HS3ST3B1: variants seen among roughly 807,000 people sequenced by gnomAD.
HS3ST3B1 encodes heparan sulfate glucosamine 3-O-sulfotransferase 3B1.
In HS3ST3B1, 13 loss-of-function variants were observed where a neutral mutation model predicts 21.3. The ratio of observed to expected loss-of-function variants is 0.61; its 90% CI spans 0.40 to 0.97. The LOEUF (loss-of-function observed/expected upper bound fraction) is 0.97. Ranked by LOEUF, HS3ST3B1 falls within the 50% of genes least tolerant of loss-of-function variation. HS3ST3B1 has a pLI of 0.00. For missense variants in HS3ST3B1, 459 were observed against 554.8 expected, an observed-to-expected ratio of 0.83 and a Z score of 1.73; for synonymous variants, 234 against 254.8, an observed-to-expected ratio of 0.92 and a Z score of 0.78.
intron 1 of HS3ST3B1, among the ~76,000 whole-genome samples, chr17:14,310,826 T>C (rs1042659820): frequency 2.0e-5 from 3 of 152,128 alleles, no homozygotes; most frequent in Non-Finnish European, 4.4e-5. Context: ...ACTTAGCATA[T>C]GCTAGTGCTG....
At chr17:14,311,490 C>G (rs537653000) in intron 1 of HS3ST3B1, among the ~76,000 whole-genome samples, 162 of 152,340 alleles carry the variant, frequency 1.1e-3, no homozygotes, top group African/African-American at 3.6e-3. Context: ...TATCACCATC[C>G]TCTACCAGAC....
Position 14,301,981 on chromosome 17 carries a change from G to C in HS3ST3B1, c.463G>C (p.Glu155Gln). ...GAAGGGCGGCACGCGGGCGCTGCTG[G>C]AGTTTCTGCGCGTGCACCCCGACGT... ...VKKGGTRALL[E>Q]FLRVHPDVRA... Residue 155 changes from glutamate (E) to glutamine (Q), a missense_variant, in exon 1 of 2, where the codon GAG becomes CAG. This residue lies in a region of HS3ST3B1 where 317 missense variants were observed against 278.6 expected (regional missense o/e 1.14). Transcript: ENST00000360954. The C allele has an allele frequency of 1.2e-6, 2 of 1,609,472 alleles. No individual in the cohort carries two copies. The highest frequency in any genetic ancestry group is 1.7e-6 in the Non-Finnish European group (2 of 1,178,798).
intron 1 of HS3ST3B1, among the ~76,000 whole-genome samples, chr17:14,339,385 G>GA (rs1397722237): frequency 6.6e-6 from 1 of 151,942 alleles, no homozygotes; most frequent in Non-Finnish European, 1.5e-5. Flanking sequence ...ATGAATGAAA[G>GA]AAAAAAATAC....
chr17:14,335,834 G>T (rs1040157309), intron 1 of HS3ST3B1, among the ~76,000 whole-genome samples: 4 of 152,322 alleles, frequency 2.6e-5, no homozygotes, highest in South Asian at 2.1e-4. Context: ...AATCTTCATT[G>T]GAAGAGGCTG....
intron 1 of HS3ST3B1, among the ~76,000 whole-genome samples, chr17:14,314,529 T>C (rs1331513451): frequency 3.0e-4 from 45 of 152,218 alleles, no homozygotes; most frequent in Non-Finnish European, 2.9e-5. Flanking sequence ...TTGTTGAATC[T>C]AATATAAAGG....
rs753051368 is a variant in HS3ST3B1 at position 14,301,713 on chromosome 17, C to G, written c.195C>G (p.Gly65=). The G allele has an allele frequency of 1.3e-5, 21 of 1,603,856 alleles. No homozygotes were observed. Among genetic ancestry groups the G allele is most frequent in the Non-Finnish European group, 1.7e-5 (20 of 1,176,950 alleles). The change falls in exon 1 of 2, where the codon GGC becomes GGG. Residue 65 remains glycine, a synonymous_variant. Transcript: ENST00000360954. ...CAAAPGLLLL[G]SGSRAAHDPP... ...CCGCGCCGGGGCTGCTGCTCCTGGG[C>G]TCTGGGTCCCGCGCCGCACACGACC...
chr17:14,332,105 T>C (rs942664954), intron 1 of HS3ST3B1, among the ~76,000 whole-genome samples: 1 of 152,170 alleles, frequency 6.6e-6, no homozygotes, highest in African/African-American at 2.4e-5. Context: ...GTCTTATCTT[T>C]CAGTAGATGA....
chr17:14,322,900 T>C (rs980309286), intron 1 of HS3ST3B1, among the ~76,000 whole-genome samples: 2 of 14,720 alleles, frequency 1.4e-4, no homozygotes, highest in Non-Finnish European at 5.0e-4. Flanking sequence ...GTCTATGTCT[T>C]TTTTTTTTTT....
At chr17:14,314,594 G>A (rs1245978199) in intron 1 of HS3ST3B1, among the ~76,000 whole-genome samples, 1 of 152,210 alleles carries the variant, frequency 6.6e-6, no homozygotes, top group African/African-American at 2.4e-5. Context: ...TACTGCCTAT[G>A]TTGACAGGTT....
At chr17:14,302,738 G>A (rs959993935) in intron 1 of HS3ST3B1, among the ~76,000 whole-genome samples, 3 of 152,090 alleles carry the variant, frequency 2.0e-5, no homozygotes, top group Non-Finnish European at 4.4e-5. Context: ...GCTGGTCCCT[G>A]TCGGGCAAAG....
intron 1 of HS3ST3B1, among the ~76,000 whole-genome samples, chr17:14,327,081 C>T (rs1909844332): frequency 6.6e-6 from 1 of 151,946 alleles, no homozygotes; most frequent in Non-Finnish European, 1.5e-5. Flanking sequence ...ACGGTAAGTC[C>T]CTGGAGGGCA....
chr17:14,330,076 C>A (rs557089465), intron 1 of HS3ST3B1, among the ~76,000 whole-genome samples: 4 of 152,370 alleles, frequency 2.6e-5, no homozygotes, highest in African/African-American at 9.6e-5. Context: ...TGAGGCCACA[C>A]AGCCTGACCT....
intron 1 of HS3ST3B1, among the ~76,000 whole-genome samples, chr17:14,307,144 A>T (rs1212069142): frequency 1.3e-5 from 2 of 152,214 alleles, no homozygotes; most frequent in African/African-American, 2.4e-5. Context: ...ATTATCTTCC[A>T]AATGATATGT....
chr17:14,311,849 C>G (rs1484437957), intron 1 of HS3ST3B1, among the ~76,000 whole-genome samples: 3 of 152,048 alleles, frequency 2.0e-5, no homozygotes, highest in Admixed American at 6.6e-5. Flanking sequence ...GCCTCCTCTT[C>G]CTTGAAGCAC....
chr17:14,328,126 T>C (rs1415681760), intron 1 of HS3ST3B1: 7 of 152,316 alleles, frequency 4.6e-5, no homozygotes, highest in African/African-American at 1.7e-4. Context: ...TGCTGGAAAT[T>C]TTAAGACTCA....
At chr17:14,330,387 G>C (rs993248048) in intron 1 of HS3ST3B1, among the ~76,000 whole-genome samples, 1 of 152,092 alleles carries the variant, frequency 6.6e-6, no homozygotes, top group African/African-American at 2.4e-5. Flanking sequence ...ATTTTTACAC[G>C]CGGAGAACTG....
intron 1 of HS3ST3B1, among the ~76,000 whole-genome samples, chr17:14,306,949 C>T (rs1276928473): frequency 6.6e-6 from 1 of 152,112 alleles, no homozygotes; most frequent in Non-Finnish European, 1.5e-5. Flanking sequence ...TTTAATTAGG[C>T]ACCTAAATTA....
At chr17:14,339,195 G>T (rs991467303) in intron 1 of HS3ST3B1, among the ~76,000 whole-genome samples, 1 of 152,118 alleles carries the variant, frequency 6.6e-6, no homozygotes, top group Admixed American at 6.5e-5. Flanking sequence ...CGGGGCCAGG[G>T]TTGCTGGAGG....
At chr17:14,340,444 G>A (rs1910338783) in intron 1 of HS3ST3B1, among the ~76,000 whole-genome samples, 1 of 151,924 alleles carries the variant, frequency 6.6e-6, no homozygotes, top group Admixed American at 6.6e-5. Flanking sequence ...AACCCCACTT[G>A]CCCATGCTGT....
Sources: gnomAD v4.1 joint callset for allele counts (sites outside exome capture counted in the v4.1 genomes callset) on GRCh38, gnomAD v4.1.1 for gene constraint, gnomAD v4.1.1 regional missense constraint, MANE v1.5 for transcripts, NCBI Gene and HGNC (gene_info 2026-07-23, HGNC 2026-07-21) for gene names.